VAT1L: variants seen among roughly 807,000 people sequenced by gnomAD.
The protein encoded by VAT1L is vesicle amine transport 1 like.
In VAT1L, 34 loss-of-function variants were observed where a neutral mutation model predicts 44.1. That is an observed-to-expected ratio of 0.77 (90% CI 0.59 to 1.03). The LOEUF (loss-of-function observed/expected upper bound fraction) is 1.03, where lower values mean the gene tolerates loss of function less well. Among genes scored for constraint, VAT1L ranks in the 50% least tolerant of loss-of-function variants. The pLI, the probability that VAT1L is intolerant of heterozygous loss-of-function variation, is 0.00. For missense variants in VAT1L, 615 were observed against 538.8 expected, an observed-to-expected ratio of 1.14 and a Z score of -1.40; for synonymous variants, 253 against 202.2, an observed-to-expected ratio of 1.25 and a Z score of -2.13.
At chr16:77,930,392 T>C (rs2017716110) in intron 7 of VAT1L, among the ~76,000 whole-genome samples, 1 of 152,076 alleles carries the variant, frequency 6.6e-6, no homozygotes, top group Non-Finnish European at 1.5e-5. Flanking sequence ...ATTGATCCTA[T>C]CTCTTACCTC....
At chr16:77,974,287 G>C (rs775196298) in intron 8 of VAT1L, among the ~76,000 whole-genome samples, 9 of 152,152 alleles carry the variant, frequency 5.9e-5, no homozygotes, top group Non-Finnish European at 8.8e-5. Context: ...ATATGACCAA[G>C]TCTCTTTCAG....
chr16:77,957,996 C>G (rs1308247217), intron 7 of VAT1L, among the ~76,000 whole-genome samples: 1 of 151,968 alleles, frequency 6.6e-6, no homozygotes, highest in African/African-American at 2.4e-5. Context: ...CAATCTCTGC[C>G]CACCAGATTC....
intron 7 of VAT1L, among the ~76,000 whole-genome samples, chr16:77,969,725 G>A (rs774834186): frequency 3.9e-5 from 6 of 152,036 alleles, no homozygotes; most frequent in Non-Finnish European, 7.4e-5. Context: ...GAGGGGATGA[G>A]TACCAGGCAA....
chr16:77,861,232 G>C (rs1299753396), intron 3 of VAT1L, among the ~76,000 whole-genome samples: 1 of 152,186 alleles, frequency 6.6e-6, no homozygotes, highest in East Asian at 1.9e-4. Context: ...GATGACGCTG[G>C]TAGAATATTT....
At position 77,976,573 on chromosome 16, in the gene VAT1L, G is replaced by T. The variant is rs546226045; in HGVS notation, c.1162-1024G>T. ...CAAGGACTCAAGTGTGGGAGATCTG[G>T]GGCCCAATCTAGATCAGGGGATAAG... is the stretch of plus-strand genomic sequence containing the variant. On this transcript the variant is annotated intron_variant, in intron 8 of 8. Transcript: ENST00000302536. Among the ~76,000 whole-genome samples, 9 of 152,226 alleles carry T rather than the reference G, an allele frequency of 5.9e-5. No individual in the cohort carries two copies. The South Asian group carries it at 1.9e-3, about 32-fold the overall frequency.
chr16:77,943,181 T>TGA (rs2017911749), intron 7 of VAT1L, among the ~76,000 whole-genome samples: 2 of 141,138 alleles, frequency 1.4e-5, no homozygotes, highest in African/African-American at 5.3e-5. Context: ...CTCAGCCTCC[T>TGA]GAGTAGCTGG....
chr16:77,880,735 T>C (rs888379960), intron 6 of VAT1L, among the ~76,000 whole-genome samples: 3 of 151,026 alleles, frequency 2.0e-5, no homozygotes, highest in African/African-American at 7.4e-5. Context: ...TAGTACCCAA[T>C]AGTTTTTCAA....
chr16:77,965,960 A>G (rs1485886004), intron 7 of VAT1L, among the ~76,000 whole-genome samples: 1 of 152,208 alleles, frequency 6.6e-6, no homozygotes, highest in Non-Finnish European at 1.5e-5. Flanking sequence ...TGGGAGGCCA[A>G]TGAGGACTTC....
chr16:77,977,132 G>A (rs1273735442), intron 8 of VAT1L, among the ~76,000 whole-genome samples: 1 of 152,100 alleles, frequency 6.6e-6, no homozygotes, highest in Non-Finnish European at 1.5e-5. Context: ...CTTGAGTTTT[G>A]CACAGAAACT....
At chr16:77,956,850 C>G (rs2018109664) in intron 7 of VAT1L, among the ~76,000 whole-genome samples, 2 of 152,198 alleles carry the variant, frequency 1.3e-5, no homozygotes, top group Middle Eastern at 3.2e-3. Flanking sequence ...GGCTTGGGCT[C>G]TGTCTCTGTT....
At chr16:77,887,925 C>G (rs144544176) in intron 7 of VAT1L, among the ~76,000 whole-genome samples, 1 of 152,200 alleles carries the variant, frequency 6.6e-6, no homozygotes, top group Admixed American at 6.5e-5. Context: ...AGGCCCTGCA[C>G]TGTGTGACTC....
At chr16:77,935,127 A>G (rs989041314) in intron 7 of VAT1L, among the ~76,000 whole-genome samples, 3 of 152,154 alleles carry the variant, frequency 2.0e-5, no homozygotes, top group Non-Finnish European at 4.4e-5. Context: ...TGGACTTTCT[A>G]TTGAAACCAG....
intron 1 of VAT1L, among the ~76,000 whole-genome samples, chr16:77,809,605 G>T (rs758507568): frequency 6.6e-6 from 1 of 152,196 alleles, no homozygotes; most frequent in Non-Finnish European, 1.5e-5. Flanking sequence ...TAAATGTCAT[G>T]ATGATCCTGA....
chr16:77,833,712 T>A (rs1028973789), intron 3 of VAT1L, among the ~76,000 whole-genome samples: 2 of 151,436 alleles, frequency 1.3e-5, no homozygotes, highest in African/African-American at 4.9e-5. Context: ...GATCACACCA[T>A]TGCACTCCGG....
At chr16:77,906,349 G>A (rs1047910827) in intron 7 of VAT1L, among the ~76,000 whole-genome samples, 11 of 152,198 alleles carry the variant, frequency 7.2e-5, no homozygotes, top group Non-Finnish European at 1.5e-4. Context: ...CTTCAAAGAC[G>A]ATGTTGTGCT....
chr16:77,814,670 A>T (rs1330190463), intron 1 of VAT1L, among the ~76,000 whole-genome samples: 2 of 152,228 alleles, frequency 1.3e-5, no homozygotes, highest in Admixed American at 1.3e-4. Context: ...AATGAGCTAA[A>T]ATATACATGA....
rs760177189 is a variant in VAT1L at position 77,825,390 on chromosome 16, G to A, written c.508G>A (p.Val170Met). The A allele has an allele frequency of 3.7e-6, 6 of 1,613,550 alleles. No homozygotes were observed. Among genetic ancestry groups the A allele is most frequent in the Non-Finnish European group, 4.2e-6 (5 of 1,179,846 alleles). ...CCCCATGAACTTCGTCACAGCCTAT[G>A]TGATGCTGTTTGAAGTTGCCAACCT... ...AFPMNFVTAY[V>M]MLFEVANLRE... is the part of the protein sequence containing the mutation. Residue 170 changes from valine (V) to methionine (M), a missense_variant, in exon 3 of 9, where the codon GTG (valine) becomes ATG (methionine). Val to Met is a conservative substitution (Grantham distance 21). Transcript: ENST00000302536.
chr16:77,825,527 C>T (rs2016509707), intron 3 of VAT1L, 66 bp downstream of exon 3: 1 of 1,508,172 alleles, frequency 6.6e-7, no homozygotes, highest in Non-Finnish European at 9.0e-7. Context: ...TGACACCCCC[C>T]TGAGGTCTTA....
intron 1 of VAT1L, among the ~76,000 whole-genome samples, chr16:77,794,014 C>G (rs1342721722): frequency 1.3e-5 from 2 of 152,182 alleles, no homozygotes; most frequent in Non-Finnish European, 2.9e-5. Context: ...ACAGACACAT[C>G]AGGATCACAG....
Sources: gnomAD v4.1 joint callset for allele counts (sites outside exome capture counted in the v4.1 genomes callset) on GRCh38, gnomAD v4.1.1 for gene constraint, MANE v1.5 for transcripts, NCBI Gene and HGNC (gene_info 2026-07-23, HGNC 2026-07-21) for gene names.